Variants in GALK2 observed in about 807,000 individuals in gnomAD.
GALK2 encodes the protein galactokinase 2, also known as N-acetylgalactosamine kinase.
In GALK2, 36 loss-of-function variants were observed where a neutral mutation model predicts 52.4. The observed-to-expected ratio is 0.69, with a 90% CI of 0.53 to 0.91. The LOEUF is 0.91. Among genes scored for constraint, GALK2 ranks in the 40% least tolerant of loss-of-function variants. The pLI, the probability that GALK2 is intolerant of heterozygous loss-of-function variation, is 0.00. For synonymous variants in GALK2, 176 were observed against 199.1 expected (o/e 0.88, Z 0.98); for missense variants, 579 against 559.1 (o/e 1.04, Z -0.36).
chr15:49,251,182 G>C (rs1229756387), intron 5 of GALK2, among the ~76,000 whole-genome samples: 1 of 152,046 alleles, frequency 6.6e-6, no homozygotes. Flanking sequence ...AAAAAATTCT[G>C]AACAAAATGT....
At position 49,217,295 on chromosome 15, in the gene GALK2, A is replaced by G. The variant is rs117291857; in HGVS notation, c.248A>G (p.Asn83Ser). The change falls in exon 3 of 10, where the codon AAT (asparagine) becomes AGT (serine). Residue 83 changes from asparagine (N) to serine (S), a missense_variant. Coordinates refer to ENST00000560031, the MANE Select transcript of GALK2 (RefSeq NM_002044.4). Reference sequence around the variant, plus strand: ...AAAACGTACGCTCTCCAACTGGCCAATACAAATCCCTTGTATCCGTGAGTA... The same window carrying G: ...AAAACGTACGCTCTCCAACTGGCCAGTACAAATCCCTTGTATCCGTGAGTA... ...PVKTYALQLA[N>S]TNPLYPDFST... is the part of the protein sequence containing the mutation. 1,729 of 1,613,938 alleles carry G rather than the reference A, an allele frequency of 1.1e-3. 4 individuals carry two copies. The highest frequency in any genetic ancestry group is 1.7e-3 in the Admixed American group (104 of 60,020).
chr15:49,281,625 G>A (rs2032712173), intron 5 of GALK2, among the ~76,000 whole-genome samples: 1 of 152,194 alleles, frequency 6.6e-6, no homozygotes. Context: ...GGGAGACAAA[G>A]GAAGCTGAGG....
At chr15:49,322,336 G>A (rs912859114) in intron 9 of GALK2, among the ~76,000 whole-genome samples, 3 of 152,126 alleles carry the variant, frequency 2.0e-5, no homozygotes, top group African/African-American at 4.8e-5. Context: ...CTACTTATTC[G>A]ATAACCATAT....
intron 2 of GALK2, among the ~76,000 whole-genome samples, chr15:49,210,319 C>G (rs953623827): frequency 2.0e-5 from 3 of 151,484 alleles, no homozygotes; most frequent in South Asian, 2.1e-4. Context: ...TTTATTATTT[C>G]TTTCCTTCTA....
At chr15:49,254,534 A>C (rs578070721) in intron 5 of GALK2, among the ~76,000 whole-genome samples, 1 of 144,290 alleles carries the variant, frequency 6.9e-6, no homozygotes, top group Admixed American at 7.0e-5. Context: ...ATTTGTATTT[A>C]TATTTATTTT....
chr15:49,319,907 TC>T, intron 9 of GALK2, 102 bp downstream of exon 9: 1 of 973,322 alleles, frequency 1.0e-6, no homozygotes, highest in Non-Finnish European at 1.5e-6. Context: ...TGAAGATCAT[TC>T]CCCACTTCCT....
chr15:49,197,767 A>G (rs2087369251), intron 1 of GALK2, among the ~76,000 whole-genome samples: 1 of 152,108 alleles, frequency 6.6e-6, no homozygotes, highest in African/African-American at 2.4e-5. Context: ...GTTTTTCTTT[A>G]TCTACCAGAT....
At chr15:49,169,957 G>C (rs1382237925), upstream of GALK2, 1 of 209,262 alleles carries the variant, frequency 4.8e-6, no homozygotes, top group African/African-American at 2.2e-5. Context: ...GGTGTATGTA[G>C]GGCGCCAGGT....
intron 3 of GALK2, among the ~76,000 whole-genome samples, chr15:49,355,832 G>A (rs1259863281): frequency 6.6e-6 from 1 of 152,138 alleles, no homozygotes; most frequent in East Asian, 1.9e-4. Context: ...GTTAAGGGCA[G>A]CTAGAGAGAA....
intron 5 of GALK2, among the ~76,000 whole-genome samples, chr15:49,272,221 T>C (rs1026897958): frequency 5.9e-5 from 9 of 152,192 alleles, no homozygotes; most frequent in African/African-American, 2.2e-4. Flanking sequence ...GTTACAATTC[T>C]ATAAAAAGTT....
At chr15:49,192,174 A>T (rs184283089) in intron 1 of GALK2, among the ~76,000 whole-genome samples, 1 of 152,084 alleles carries the variant, frequency 6.6e-6, no homozygotes, top group Admixed American at 6.6e-5. Context: ...GGAATCAGCC[A>T]TTTCTTTAAG....
At chr15:49,243,772 C>T (rs73392277) in intron 5 of GALK2, among the ~76,000 whole-genome samples, 25,568 of 151,702 alleles carry the variant, frequency 0.17, 2,424 homozygotes, top group Non-Finnish European at 0.21. Flanking sequence ...AAAAAGGAAC[C>T]AACGGTAAGA....
chr15:49,328,587 A>G lies in GALK2; in HGVS notation c.*428A>G, dbSNP rs1210745812. 4.1e-5 allele frequency: 65 copies of G among 1,599,108 alleles called. No individual in the cohort carries two copies. In the Admixed American group the frequency reaches 1.1e-3, roughly 27 times the overall value. ...TTTCTCTTAGTATTCTTCTTCCTCA[A>G]AGTTGTAGTTGTCTGTTGATGATGG... On this transcript the variant is annotated 3_prime_UTR_variant, in exon 10 of 10. Coordinates refer to ENST00000560031, the MANE Select transcript of GALK2 (RefSeq NM_002044.4).
chr15:49,183,129 T>G (rs1258416265), intron 1 of GALK2, among the ~76,000 whole-genome samples: 2 of 152,170 alleles, frequency 1.3e-5, no homozygotes, highest in African/African-American at 4.8e-5. Context: ...CTTTTCCTTT[T>G]GTTTATCTTC....
rs963241329 is a variant in GALK2 at position 49,331,328 on chromosome 15, G to A, written c.*3169G>A. On this transcript the variant is annotated 3_prime_UTR_variant, in exon 10 of 10. Coordinates refer to ENST00000560031, the MANE Select transcript of GALK2 (RefSeq NM_002044.4). ...AGAAGATGACAAGGAAAATCAGAAA[G>A]ATGGAACAGGCTCCTTTCTTTTCTT... 2 of 153,846 alleles carry A rather than the reference G, an allele frequency of 1.3e-5. No homozygotes were observed. The highest frequency in any genetic ancestry group is 1.3e-4 in the Admixed American group (2 of 15,448). 9.5% of individuals were successfully genotyped at this position (153,846 alleles called of 1,614,324 possible).
intron 7 of GALK2, among the ~76,000 whole-genome samples, chr15:49,291,485 G>T (rs1441810798): frequency 6.6e-6 from 1 of 152,040 alleles, no homozygotes; most frequent in Non-Finnish European, 1.5e-5. Flanking sequence ...CCCTTCTCTT[G>T]TTTCTTTTTG....
chr15:49,364,016 CTAGT>C (rs2044699733), intron 3 of GALK2, among the ~76,000 whole-genome samples: 2 of 152,254 alleles, frequency 1.3e-5, no homozygotes, highest in African/African-American at 4.8e-5. Flanking sequence ...ATTCCGTTCG[CTAGT>C]ATTTTGTTGA....
chr15:49,249,094 A>G (rs1190173234), intron 5 of GALK2, among the ~76,000 whole-genome samples: 2 of 152,230 alleles, frequency 1.3e-5, no homozygotes, highest in African/African-American at 4.8e-5. Context: ...TGCAAGTGAT[A>G]TTAAGTACTA....
chr15:49,337,133 G>T (rs1005269481), intron 3 of GALK2, among the ~76,000 whole-genome samples: 1 of 152,156 alleles, frequency 6.6e-6, no homozygotes, highest in South Asian at 2.1e-4. Context: ...TTGCTATTGT[G>T]AATAGTGCTG....
Sources: gnomAD v4.1 joint callset for allele counts (sites outside exome capture counted in the v4.1 genomes callset) on GRCh38, gnomAD v4.1.1 for gene constraint, MANE v1.5 for transcripts, NCBI Gene and HGNC (gene_info 2026-07-23, HGNC 2026-07-21) for gene names.